The following STK32B variants were observed in gnomAD, a reference collection of about 807,000 sequenced individuals.
STK32B encodes the protein serine/threonine kinase 32B, also known as serine/threonine-protein kinase 32B.
Under a neutral mutation model 52.6 loss-of-function variants are expected in STK32B, and 43 were observed. The observed-to-expected ratio is 0.82, with a 90% CI of 0.64 to 1.05. The LOEUF (loss-of-function observed/expected upper bound fraction) is 1.05, where lower values mean the gene tolerates loss of function less well. Among genes scored for constraint, STK32B ranks in the 50% least tolerant of loss-of-function variants. The pLI is 0.00. For synonymous variants in STK32B, 238 were observed against 204.3 expected, an observed-to-expected ratio of 1.17 and a Z score of -1.41; for missense variants, 621 against 534.6, an observed-to-expected ratio of 1.16 and a Z score of -1.59.
At chr4:5,365,166 A>G (rs1734799510) in intron 4 of STK32B, among the ~76,000 whole-genome samples, 1 of 152,200 alleles carries the variant, frequency 6.6e-6, no homozygotes, top group African/African-American at 2.4e-5. Context: ...CATGAGCCAC[A>G]GCATCGGGCC....
At position 5,143,755 on chromosome 4, in the gene STK32B, G is replaced by A. The variant is rs16835080; in HGVS notation, c.108+3795G>A. Among the ~76,000 whole-genome samples the A allele has an allele frequency of 3.2e-3, 488 of 151,788 alleles. 3 individuals are homozygous for A. The highest frequency in any genetic ancestry group is 0.011 in the African/African-American group (448 of 41,472). ...TCCAAACTGGCCAGCATGAGGACCC[G>A]GAAGGATCCAGAAGGTGGATCTTAG... On this transcript the variant is annotated intron_variant, in intron 2 of 11. Transcript: ENST00000282908.
At chr4:5,211,823 C>T (rs1205379937) in intron 3 of STK32B, among the ~76,000 whole-genome samples, 1 of 152,238 alleles carries the variant, frequency 6.6e-6, no homozygotes, top group Non-Finnish European at 1.5e-5. Context: ...CACTGTGAAT[C>T]ACGCAAGCTC....
intron 4 of STK32B, among the ~76,000 whole-genome samples, chr4:5,374,079 A>G (rs1464005726): frequency 2.6e-5 from 4 of 152,218 alleles, no homozygotes; most frequent in African/African-American, 9.6e-5. Context: ...GGAGAAGGCC[A>G]TGTGAAATGG....
rs1474108450 is a variant in STK32B, at chr4:5,433,314, C to T, written c.563-13359C>T. ...GACTGTGCTGCTGAAAAGACCCTTG[C>T]GGCTGAGACTGAGAACCCAGGAGAA... is the stretch of plus-strand genomic sequence containing the variant. On this transcript the variant is annotated intron_variant, in intron 6 of 11. Transcript: ENST00000282908. Among the ~76,000 whole-genome samples, 6 of 152,130 alleles carry T rather than the reference C, an allele frequency of 3.9e-5. No homozygotes were observed. The East Asian group carries it at 9.6e-4, about 24-fold the overall frequency.
In STK32B at chr4:5,211,741, A is replaced by G. The variant is rs74642575; in HGVS notation, c.260+43291A>G. 2.0e-3 allele frequency among the ~76,000 whole-genome samples: 310 copies of G among 152,336 alleles called. 7 individuals are homozygous for G. In the East Asian group the frequency reaches 0.05, roughly 25 times the overall value. ...GAAGAAAGAACAAACACAAACAAGC[A>G]AACAAACAATCTTGCTTCACAGAGT... On this transcript the variant is annotated intron_variant, in intron 3 of 11. Transcript: ENST00000282908.
chr4:5,141,610 G>C (rs1298660756), intron 2 of STK32B, among the ~76,000 whole-genome samples: 1 of 152,206 alleles, frequency 6.6e-6, no homozygotes, highest in East Asian at 1.9e-4. Flanking sequence ...TAGCCTGGGA[G>C]GGGCCACAGC....
intron 3 of STK32B, among the ~76,000 whole-genome samples, chr4:5,313,442 T>G (rs1232394109): frequency 2.7e-5 from 4 of 150,694 alleles, no homozygotes; most frequent in Non-Finnish European, 5.9e-5. Context: ...TCCCTAAGAT[T>G]GGGCACAAGG....
chr4:5,213,390 C>A (rs1723012927), intron 3 of STK32B, among the ~76,000 whole-genome samples: 1 of 152,196 alleles, frequency 6.6e-6, no homozygotes, highest in African/African-American at 2.4e-5. Flanking sequence ...CCATGCCCCA[C>A]TTGTTCAAAG....
upstream of STK32B, among the ~76,000 whole-genome samples, chr4:5,047,038 C>T (rs1375154219): frequency 6.6e-6 from 1 of 152,110 alleles, no homozygotes; most frequent in Non-Finnish European, 1.5e-5. Context: ...CACATGCACA[C>T]ATATGTTTAC....
At chr4:5,142,334 A>G (rs1241921585) in intron 2 of STK32B, among the ~76,000 whole-genome samples, 2 of 152,158 alleles carry the variant, frequency 1.3e-5, no homozygotes, top group Non-Finnish European at 2.9e-5. Context: ...ACTTATGTGG[A>G]CCTTCTTACA....
At chr4:5,456,735 A>G in intron 7 of STK32B, 72 bp from the exon 8 acceptor site, 2 of 1,298,348 alleles carry the variant, frequency 1.5e-6, no homozygotes, top group Non-Finnish European at 1.1e-6. Flanking sequence ...TCATAATCAT[A>G]CAATCTTAAA....
chr4:5,495,874 G>T (rs566057308), intron 11 of STK32B, among the ~76,000 whole-genome samples: 7 of 152,312 alleles, frequency 4.6e-5, no homozygotes, highest in African/African-American at 1.7e-4. Flanking sequence ...ACCAGCAGTG[G>T]TGGCTGCAGA....
At chr4:5,497,975 C>T (rs189418667) in intron 11 of STK32B, among the ~76,000 whole-genome samples, 255 of 152,194 alleles carry the variant, frequency 1.7e-3, no homozygotes, top group Middle Eastern at 3.4e-3. Context: ...TTATTATTCC[C>T]AGCCCTATAC....
intron 3 of STK32B, among the ~76,000 whole-genome samples, chr4:5,288,297 C>A (rs955810553): frequency 9.2e-5 from 14 of 152,158 alleles, no homozygotes; most frequent in Middle Eastern, 3.2e-3. Flanking sequence ...CTTTGTTTAA[C>A]ATGAAGAATT....
intron 4 of STK32B, among the ~76,000 whole-genome samples, chr4:5,354,826 A>G (rs773648276): frequency 7.2e-5 from 11 of 152,214 alleles, no homozygotes; most frequent in Non-Finnish European, 1.3e-4. Flanking sequence ...AAATATGTAT[A>G]AATTAAATTT....
chr4:5,413,571 A>G (rs1465179298), intron 5 of STK32B, among the ~76,000 whole-genome samples: 2 of 152,378 alleles, frequency 1.3e-5, no homozygotes, highest in Non-Finnish European at 2.9e-5. Flanking sequence ...ATTATAAGAG[A>G]AACAACACTT....
intron 4 of STK32B, among the ~76,000 whole-genome samples, chr4:5,350,422 C>T (rs953791727): frequency 1.3e-5 from 2 of 152,036 alleles, no homozygotes; most frequent in African/African-American, 4.8e-5. Flanking sequence ...GGGAACCCTA[C>T]CCCTGGGAGT....
intron 1 of STK32B, among the ~76,000 whole-genome samples, chr4:5,059,864 A>G (rs1184574785): frequency 1.3e-5 from 2 of 152,212 alleles, no homozygotes; most frequent in Non-Finnish European, 2.9e-5. Flanking sequence ...AGGAAGAGAC[A>G]TTTTTTAATG....
chr4:5,498,845 C>T lies in STK32B; in HGVS notation c.1107-100C>T. The T allele has an allele frequency of 2.8e-6, 4 of 1,450,658 alleles. No homozygotes were observed. In the South Asian group the frequency reaches 4.5e-5, roughly 16 times the overall value. 89.9% of individuals were successfully genotyped at this position (1,450,658 alleles called of 1,614,324 possible). The stretch of plus-strand genomic sequence containing the variant: ...CTTCCCAGGTAGGGGAAGGTTTGAG[C>T]TGAAGGCTCCACAGTTGCCCTGCCT... On this transcript the variant is annotated intron_variant, in intron 11 of 11. Coordinates refer to ENST00000282908, the MANE Select transcript of STK32B (RefSeq NM_018401.3).
Sources: gnomAD v4.1 joint callset for allele counts (sites outside exome capture counted in the v4.1 genomes callset) on GRCh38, gnomAD v4.1.1 for gene constraint, MANE v1.5 for transcripts, NCBI Gene and HGNC (gene_info 2026-07-23, HGNC 2026-07-21) for gene names.